The following SHANK2 variants were observed in gnomAD, a reference collection of about 807,000 sequenced individuals.
SHANK2 encodes the protein SH3 and multiple ankyrin repeat domains 2.
Under a neutral mutation model 133.7 loss-of-function variants are expected in SHANK2, and 43 were observed. That is an observed-to-expected ratio of 0.32 (90% CI 0.25 to 0.41). SHANK2 has a LOEUF of 0.41. Among genes scored for constraint, SHANK2 ranks in the 10% least tolerant of loss-of-function variants. SHANK2 has a pLI of 1.00. For synonymous variants in SHANK2, 1,017 were observed against 952.8 expected, an observed-to-expected ratio of 1.07 and a Z score of -1.24; for missense variants, 1,994 against 2,235.8, an observed-to-expected ratio of 0.89 and a Z score of 2.18.
At chr11:70,876,243 G>GACAGACACAC (rs1555071279) in intron 11 of SHANK2, among the ~76,000 whole-genome samples, 2 of 134,830 alleles carry the variant, frequency 1.5e-5, no homozygotes, top group African/African-American at 2.8e-5. Flanking sequence ...CACACATATA[G>GACAGACACAC]ACACACACAC....
intron 17 of SHANK2, among the ~76,000 whole-genome samples, chr11:70,593,074 CG>C (rs1313271346): frequency 6.6e-6 from 1 of 152,200 alleles, no homozygotes; most frequent in African/African-American, 2.4e-5. Flanking sequence ...CCCCATAGTT[CG>C]GGGAAGGCCT....
intron 10 of SHANK2, chr11:70,942,798 G>C: frequency 2.2e-6 from 1 of 456,648 alleles, no homozygotes; most frequent in South Asian, 1.5e-5. Flanking sequence ...AAGCTGTACC[G>C]GGTTAACACT....
intron 10 of SHANK2, among the ~76,000 whole-genome samples, chr11:70,901,985 T>C (rs1950029424): frequency 6.6e-6 from 1 of 152,078 alleles, no homozygotes; most frequent in African/African-American, 2.4e-5. Context: ...ACCATGGCCT[T>C]GGGAGGCATC....
At chr11:70,742,133 C>A (rs569636) in intron 14 of SHANK2, among the ~76,000 whole-genome samples, 6,617 of 152,302 alleles carry the variant, frequency 0.043, 155 homozygotes, top group African/African-American at 0.06. Flanking sequence ...AACTTCCAAA[C>A]CCTGGAGGCC....
intron 3 of SHANK2, among the ~76,000 whole-genome samples, chr11:71,126,972 TG>T (rs1377331069): frequency 6.6e-6 from 1 of 152,178 alleles, no homozygotes. Context: ...CCCAAAATGC[TG>T]GGACTACAGG....
rs536318989 is a variant in SHANK2, at chr11:70,586,852, G to A, written c.2061+72976C>T. Among the ~76,000 whole-genome samples the A allele has an allele frequency of 8.1e-4, 124 of 152,306 alleles. 1 individual carries two copies. Among genetic ancestry groups the A allele is most frequent in the African/African-American group, 2.8e-3 (117 of 41,566 alleles). ...CCCAGAGTGGGCAGAGCCTAGAGACGCCATCCCAGAATACGTCACTCCTGG... is the reference window on the plus strand; with the variant it reads ...CCCAGAGTGGGCAGAGCCTAGAGACACCATCCCAGAATACGTCACTCCTGG... On this transcript the variant is annotated intron_variant, in intron 17 of 25. Transcript: ENST00000601538.
In SHANK2 at chr11:70,884,669, C is replaced by T. The variant is rs139683441; in HGVS notation, c.1174+11832G>A. 1.5e-3 allele frequency among the ~76,000 whole-genome samples: 228 copies of T among 152,352 alleles called. 1 individual carries two copies. Among genetic ancestry groups the T allele is most frequent in the African/African-American group, 5.2e-3 (217 of 41,590 alleles). On this transcript the variant is annotated intron_variant, in intron 11 of 25. Coordinates refer to ENST00000601538, the MANE Select transcript of SHANK2 (RefSeq NM_012309.5). ...TGTCCGGTCCCCCCCACCGAGTGTT[C>T]CTGCTTCATAGAACAGTGTTCCTGC...
chr11:70,769,196 G>C (rs1338209609), intron 14 of SHANK2, among the ~76,000 whole-genome samples: 1 of 152,158 alleles, frequency 6.6e-6, no homozygotes, highest in Non-Finnish European at 1.5e-5. Flanking sequence ...TTCCAGTTCC[G>C]GTCTCCTTCA....
At position 71,188,401 on chromosome 11, in the gene SHANK2, G is replaced by A. The variant is rs548809244; in HGVS notation, c.-13+36296C>T. Among the ~76,000 whole-genome samples the A allele has an allele frequency of 6.5e-4, 99 of 152,258 alleles. No individual in the cohort carries two copies. The highest frequency in any genetic ancestry group is 2.2e-3 in the African/African-American group (90 of 41,546). On this transcript the variant is annotated intron_variant, in intron 2 of 25. Transcript: ENST00000601538. This position sits in a 1 kb window ranked among gnomAD's most constrained non-coding sequence, Gnocchi z 4.6. ...CACACCATCCCTCAGCAAGTTGTGCGTTCCCAACCAGGACCTGCTGAGGTC... is the reference window on the plus strand; with the variant it reads ...CACACCATCCCTCAGCAAGTTGTGCATTCCCAACCAGGACCTGCTGAGGTC...
At chr11:71,167,412 G>A (rs1217280375) in intron 2 of SHANK2, among the ~76,000 whole-genome samples, 3 of 149,620 alleles carry the variant, frequency 2.0e-5, no homozygotes, top group African/African-American at 7.4e-5. Context: ...CCGGGCGGGG[G>A]GCTGACCCCC....
chr11:70,503,973 C>T (rs1565078472), intron 17 of SHANK2, among the ~76,000 whole-genome samples: 3 of 152,230 alleles, frequency 2.0e-5, no homozygotes, highest in Admixed American at 6.5e-5. Context: ...CTGAGCTCCA[C>T]AGGGGGCCTC....
chr11:70,793,590 T>C (rs1305363044), intron 14 of SHANK2, among the ~76,000 whole-genome samples: 1 of 152,178 alleles, frequency 6.6e-6, no homozygotes, highest in Non-Finnish European at 1.5e-5. Context: ...AGATGCCTAA[T>C]CATCATCCCC....
intron 23 of SHANK2, chr11:70,489,937 G>C (rs2058861227): frequency 2.7e-6 from 1 of 371,582 alleles, no homozygotes; most frequent in Admixed American, 3.8e-5. Context: ...ACCCTGAGCA[G>C]GGCAGGGTGG....
Position 70,902,031 on chromosome 11 carries a change from G to A in SHANK2, c.1108-5464C>T, listed in dbSNP as rs976634937. On this transcript the variant is annotated intron_variant, in intron 10 of 25. Transcript: ENST00000601538. ...CCATACGAGGGAGCCCTGAAAAACA[G>A]CAACAGGCAAGATGTCTCCATGGCC... 2.6e-4 allele frequency among the ~76,000 whole-genome samples: 39 copies of A among 152,334 alleles called. 2 individuals are homozygous for A. The highest frequency in any genetic ancestry group is 2.5e-3 in the Admixed American group (38 of 15,306).
rs571984267 is a variant in SHANK2 at position 71,108,191 on chromosome 11, T to C, written c.592+1750A>G. ...CACAGCCTCACATGGAAAGGGCTCA[T>C]GCCCTCACAGAGCCAGGAGCTGGCA... On this transcript the variant is annotated intron_variant, in intron 6 of 25. Transcript: ENST00000601538. Among the ~76,000 whole-genome samples, 6 of 152,304 alleles carry C rather than the reference T, an allele frequency of 3.9e-5. No homozygotes were observed. The South Asian group carries it at 1.2e-3, about 32-fold the overall frequency.
At chr11:70,913,171 G>GA (rs1266720644) in intron 10 of SHANK2, among the ~76,000 whole-genome samples, 2 of 151,090 alleles carry the variant, frequency 1.3e-5, no homozygotes, top group African/African-American at 4.9e-5. Flanking sequence ...ATGTCGTTTA[G>GA]AAAAAAAGGC....
intron 14 of SHANK2, among the ~76,000 whole-genome samples, chr11:70,707,998 C>G (rs1187677955): frequency 6.6e-6 from 1 of 152,144 alleles, no homozygotes; most frequent in Non-Finnish European, 1.5e-5. Flanking sequence ...CGGTGTGCAC[C>G]GAGGACATCA....
intron 14 of SHANK2, among the ~76,000 whole-genome samples, chr11:70,772,312 C>T (rs147981293): frequency 4.5e-4 from 68 of 151,772 alleles, no homozygotes; most frequent in South Asian, 1.7e-3. Flanking sequence ...TGGTGGCGCG[C>T]GCCTGTAATC....
intron 15 of SHANK2, chr11:70,669,777 G>A (rs1206890123): frequency 6.6e-6 from 1 of 152,264 alleles, no homozygotes; most frequent in African/African-American, 2.4e-5. Context: ...ATCCATAAAC[G>A]CATCACTTCA....
Sources: allele counts gnomAD v4.1 joint callset (sites outside exome capture counted in the v4.1 genomes callset), GRCh38; gene constraint gnomAD v4.1.1; non-coding constraint Gnocchi (gnomAD v3.1); transcripts MANE v1.5; gene names NCBI Gene and HGNC (gene_info 2026-07-23, HGNC 2026-07-21).